Variants in LRRC20 observed in about 807,000 individuals in gnomAD.
The protein encoded by LRRC20 is leucine rich repeat containing 20.
Under a neutral mutation model 14.4 loss-of-function variants are expected in LRRC20, and 11 were observed. The observed-to-expected ratio is 0.77, with a 90% confidence interval of 0.48 to 1.27. The LOEUF is 1.27. Among genes scored for constraint, LRRC20 ranks in the 50% most tolerant of loss-of-function variants. The pLI is 0.00. For missense variants in LRRC20, 219 were observed against 251.2 expected, an observed-to-expected ratio of 0.87 and a Z score of 0.87; for synonymous variants, 121 against 107.3, an observed-to-expected ratio of 1.13 and a Z score of -0.79.
chr10:70,308,872 C>G (rs1408747316), intron 4 of LRRC20, among the ~76,000 whole-genome samples: 1 of 152,178 alleles, frequency 6.6e-6, no homozygotes, highest in Non-Finnish European at 1.5e-5. Context: ...CATGTGGGTA[C>G]AAATGTCATA....
In LRRC20 at chr10:70,300,894, C is replaced by T. The variant is rs563184203; in HGVS notation, c.*460G>A. Reference sequence around the variant, plus strand: ...GCAATAAATAGATGGAGGTTGTCTTCTCTTCTCAGGGCAGCAACTGGCTCT... The same window carrying T: ...GCAATAAATAGATGGAGGTTGTCTTTTCTTCTCAGGGCAGCAACTGGCTCT... On this transcript the variant is annotated 3_prime_UTR_variant, in exon 5 of 5. Transcript: ENST00000446961. The T allele has an allele frequency of 1.8e-4, 175 of 988,198 alleles. 1 individual carries two copies. In the Middle Eastern group the frequency reaches 4.1e-3, roughly 23 times the overall value. The allele number at this position is 988,198 out of a possible 1,614,324, so 61.2% of individuals were successfully genotyped here. A position where few individuals can be genotyped will look rare whatever the true frequency, so the allele number is the denominator to read the frequency against.
At chr10:70,356,377 T>C (rs186751798) in intron 2 of LRRC20, among the ~76,000 whole-genome samples, 1 of 152,176 alleles carries the variant, frequency 6.6e-6, no homozygotes, top group African/African-American at 2.4e-5. Flanking sequence ...CTGGGTGTGG[T>C]AGTGCATGCC....
intron 4 of LRRC20, among the ~76,000 whole-genome samples, chr10:70,312,338 CAG>C (rs1175090240): frequency 6.6e-6 from 1 of 152,100 alleles, no homozygotes; most frequent in African/African-American, 2.4e-5. Flanking sequence ...CTGGCAGGGA[CAG>C]GGGGTCATGC....
intron 4 of LRRC20, among the ~76,000 whole-genome samples, chr10:70,321,364 T>C (rs765037919): frequency 7.2e-5 from 11 of 152,124 alleles, no homozygotes; most frequent in Non-Finnish European, 1.6e-4. Context: ...CCTTTCATTC[T>C]CACCTCCCTC....
At chr10:70,318,473 G>C (rs751612956) in intron 4 of LRRC20, among the ~76,000 whole-genome samples, 3 of 152,216 alleles carry the variant, frequency 2.0e-5, no homozygotes, top group Admixed American at 2.0e-4. Flanking sequence ...AGTGCCGCTA[G>C]CCAGGTACAG....
rs1046130645 is a variant in LRRC20 at position 70,301,235 on chromosome 10, G to T, written c.*119C>A. The T allele has an allele frequency of 2.7e-5, 40 of 1,462,456 alleles. No homozygotes were observed. The Middle Eastern group carries it at 7.5e-4, about 27-fold the overall frequency. The allele number at this position is 1,462,456 out of a possible 1,614,324, so 90.6% of individuals were successfully genotyped here. On this transcript the variant is annotated 3_prime_UTR_variant, in exon 5 of 5. Transcript: ENST00000446961. ...AGACCAGCTGCACCCCACCCACCAC[G>T]TGCTGCTCGGCCCACCCGCCCCCAG... is the stretch of plus-strand genomic sequence containing the variant.
chr10:70,301,667 G>C (rs1228361002), intron 4 of LRRC20, among the ~76,000 whole-genome samples, 159 bp from the exon 5 acceptor site: 2 of 152,196 alleles, frequency 1.3e-5, no homozygotes, highest in African/African-American at 4.8e-5. Flanking sequence ...CCTGTGCAAA[G>C]GGCCATCGGG....
Position 70,313,316 on chromosome 10 carries a change from C to T in LRRC20, c.400+10547G>A, listed in dbSNP as rs143009156. Among the ~76,000 whole-genome samples the T allele has an allele frequency of 3.7e-3, 570 of 152,300 alleles. 1 individual carries two copies. Among genetic ancestry groups the T allele is most frequent in the Non-Finnish European group, 6.1e-3 (413 of 68,038 alleles). ...TAGTTCCTCTGCTTTGGTTAAGGTG[C>T]TCTGGGAAGAGCCTCAGGAAAGAAT... On this transcript the variant is annotated intron_variant, in intron 4 of 4. Transcript: ENST00000446961.
chr10:70,356,502 C>G (rs1268037147), intron 2 of LRRC20, among the ~76,000 whole-genome samples: 2 of 138,168 alleles, frequency 1.4e-5, no homozygotes, highest in East Asian at 2.3e-4. Context: ...GGCAACAGAG[C>G]CAGACCTTTT....
rs1346503305 is a variant in LRRC20 at position 70,300,751 on chromosome 10, GC to G, written c.*602del. On this transcript the variant is annotated 3_prime_UTR_variant, in exon 5 of 5. Coordinates refer to ENST00000446961, the MANE Select transcript of LRRC20 (RefSeq NM_001278212.2). Reference sequence around the variant, plus strand: ...ATGTTCTTGCCCTGCAGCAGTGCCAGCCCATATTCCCACCACAGCTCTCCCA... The same window carrying G: ...ATGTTCTTGCCCTGCAGCAGTGCCAGCCATATTCCCACCACAGCTCTCCCA... 2.0e-6 allele frequency: 2 copies of G among 985,646 alleles called. No homozygotes were observed. Among genetic ancestry groups the G allele is most frequent in the African/African-American group, 3.5e-5 (2 of 57,246 alleles). The allele number at this position is 985,646 out of a possible 1,614,324, so 61.1% of individuals were successfully genotyped here. A position where few individuals can be genotyped will look rare whatever the true frequency, so the allele number is the denominator to read the frequency against.
chr10:70,354,537 T>C (rs1043612677), intron 2 of LRRC20, among the ~76,000 whole-genome samples: 1 of 152,122 alleles, frequency 6.6e-6, no homozygotes, highest in East Asian at 1.9e-4. Flanking sequence ...TCAGAAACTC[T>C]GGGGGTAAGG....
At chr10:70,318,605 T>C (rs1841959490) in intron 4 of LRRC20, among the ~76,000 whole-genome samples, 1 of 151,744 alleles carries the variant, frequency 6.6e-6, no homozygotes, top group Non-Finnish European at 1.5e-5. Flanking sequence ...AATACAAAAA[T>C]TAGCCGGGCA....
chr10:70,361,563 A>T (rs1260610315), intron 2 of LRRC20, among the ~76,000 whole-genome samples: 1 of 152,260 alleles, frequency 6.6e-6, no homozygotes, highest in Non-Finnish European at 1.5e-5. Flanking sequence ...TGAGAGGTAC[A>T]GTGTTAAGAG....
At chr10:70,320,988 C>T (rs1488177166) in intron 4 of LRRC20, among the ~76,000 whole-genome samples, 1 of 152,324 alleles carries the variant, frequency 6.6e-6, no homozygotes, top group African/African-American at 2.4e-5. Context: ...AGAGCCTCCC[C>T]GTCTTTCCAG....
At position 70,323,936 on chromosome 10, in the gene LRRC20, G is replaced by A; in HGVS notation, c.327C>T (p.Phe109=). The change falls in exon 4 of 5, where the codon TTC becomes TTT. Residue 109 remains phenylalanine, a synonymous_variant. Transcript: ENST00000446961. ...CGGTAAGCTGCTCAGGGAAGTCCTGGAACTGGTTCCGGGACAGGTCAATGG... is the reference window on the plus strand; with the variant it reads ...CGGTAAGCTGCTCAGGGAAGTCCTGAAACTGGTTCCGGGACAGGTCAATGG... The part of the protein sequence containing the change: ...LKAIDLSRNQ[F]QDFPEQLTAL... 6.2e-7 allele frequency: 1 copy of A among 1,614,240 alleles called. No homozygotes were observed. Among genetic ancestry groups the A allele is most frequent in the Non-Finnish European group, 8.5e-7 (1 of 1,180,046 alleles).
At chr10:70,319,216 C>T (rs901346418) in intron 4 of LRRC20, among the ~76,000 whole-genome samples, 1 of 150,062 alleles carries the variant, frequency 6.7e-6, no homozygotes, top group Non-Finnish European at 1.5e-5. Flanking sequence ...CTGAAGGTTA[C>T]AGAAAGTTAA....
At chr10:70,345,365 A>T (rs372010402) in intron 2 of LRRC20, among the ~76,000 whole-genome samples, 1 of 152,340 alleles carries the variant, frequency 6.6e-6, no homozygotes, top group African/African-American at 2.4e-5. Flanking sequence ...CAAATTAAAA[A>T]AAGTAAACTT....
chr10:70,359,288 C>A (rs1047171716), intron 2 of LRRC20, among the ~76,000 whole-genome samples: 1 of 152,136 alleles, frequency 6.6e-6, no homozygotes, highest in Non-Finnish European at 1.5e-5. Flanking sequence ...CAGGCACAGT[C>A]GCTCATGCCT....
At chr10:70,301,554 G>A in intron 4 of LRRC20, 46 bp from the exon 5 acceptor site, 3 of 1,596,694 alleles carry the variant, frequency 1.9e-6, no homozygotes, top group Non-Finnish European at 2.6e-6. Flanking sequence ...AGGCCAACCA[G>A]ACAGAAAAGA....
Sources: allele counts gnomAD v4.1 joint callset (sites outside exome capture counted in the v4.1 genomes callset), GRCh38; gene constraint gnomAD v4.1.1; transcripts MANE v1.5; gene names NCBI Gene and HGNC (gene_info 2026-07-23, HGNC 2026-07-21).